The following PABPC4L variants were observed in gnomAD, a reference collection of about 807,000 sequenced individuals.
The protein encoded by PABPC4L is polyadenylate-binding protein 4-like.
For synonymous variants in PABPC4L, 169 were observed against 164.1 expected (o/e 1.03, Z -0.23); for missense variants, 452 against 451.4 (o/e 1.00, Z -0.01).
the PABPC4L span, among the ~76,000 whole-genome samples, chr4:133,974,177 A>G: frequency 6.7e-6 from 1 of 149,426 alleles, no homozygotes; most frequent in East Asian, 1.9e-4. Context: ...ATAATTGGGA[A>G]ATAATTGAAT....
At chr4:133,951,745 A>G in the PABPC4L span, among the ~76,000 whole-genome samples, 1 of 152,080 alleles carries the variant, frequency 6.6e-6, no homozygotes, top group Non-Finnish European at 1.5e-5. Flanking sequence ...GGGGTCCCCT[A>G]TGGGGACCAT....
At chr4:134,069,491 C>T in the PABPC4L span, among the ~76,000 whole-genome samples, 1 of 152,036 alleles carries the variant, frequency 6.6e-6, no homozygotes, top group Non-Finnish European at 1.5e-5. Flanking sequence ...TACATAATCC[C>T]ATATTTTTGG....
chr4:134,027,537 T>C, the PABPC4L span, among the ~76,000 whole-genome samples: 1 of 152,178 alleles, frequency 6.6e-6, no homozygotes, highest in African/African-American at 2.4e-5. Flanking sequence ...CTACAATAAA[T>C]ATGAGACAGC....
At chr4:134,150,369 C>A in the PABPC4L span, among the ~76,000 whole-genome samples, 1 of 152,078 alleles carries the variant, frequency 6.6e-6, no homozygotes, top group Admixed American at 6.6e-5. Flanking sequence ...CAGGCATGAG[C>A]CACCGTGCCC....
the PABPC4L span, among the ~76,000 whole-genome samples, chr4:134,039,412 T>C: frequency 6.6e-6 from 1 of 152,122 alleles, no homozygotes; most frequent in South Asian, 2.1e-4. Flanking sequence ...TGTCTAATAT[T>C]GACAGTGGGG....
the PABPC4L span, among the ~76,000 whole-genome samples, chr4:134,080,192 C>T: frequency 6.6e-6 from 1 of 152,210 alleles, no homozygotes; most frequent in African/African-American, 2.4e-5. Flanking sequence ...TGAAATGTCA[C>T]ATGAGTGAAT....
downstream of PABPC4L, among the ~76,000 whole-genome samples, chr4:134,193,884 G>A (rs185194044): frequency 4.3e-4 from 66 of 151,918 alleles, no homozygotes; most frequent in Admixed American, 4.0e-3. Flanking sequence ...AAACTGTGGC[G>A]TAGATCTTGA....
chr4:133,993,034 C>A, the PABPC4L span, among the ~76,000 whole-genome samples: 1 of 152,094 alleles, frequency 6.6e-6, no homozygotes, highest in African/African-American at 2.4e-5. Context: ...AGCATATCCT[C>A]TTTCCCATGT....
the PABPC4L span, among the ~76,000 whole-genome samples, chr4:134,019,475 ATACT>A: frequency 1.3e-5 from 2 of 152,182 alleles, no homozygotes. Context: ...CTGCAATGAA[ATACT>A]TAATTTGGAG....
chr4:134,153,281 T>C, the PABPC4L span, among the ~76,000 whole-genome samples: 1 of 152,152 alleles, frequency 6.6e-6, no homozygotes, highest in Non-Finnish European at 1.5e-5. Flanking sequence ...TCTGCCTTCA[T>C]AGTGTTTTAG....
the PABPC4L span, among the ~76,000 whole-genome samples, chr4:134,137,987 C>T: frequency 1.3e-5 from 2 of 151,582 alleles, no homozygotes; most frequent in African/African-American, 4.8e-5. Flanking sequence ...ATTACTGTAC[C>T]CATTCCACTA....
the PABPC4L span, among the ~76,000 whole-genome samples, chr4:134,023,441 A>G: frequency 1.3e-5 from 2 of 152,152 alleles, no homozygotes; most frequent in Non-Finnish European, 2.9e-5. Context: ...CTTTTACAGC[A>G]GTTCCTGATC....
chr4:133,983,484 G>T, the PABPC4L span, among the ~76,000 whole-genome samples: 1 of 151,700 alleles, frequency 6.6e-6, no homozygotes, highest in African/African-American at 2.4e-5. Context: ...CCCAGCGAAG[G>T]TTTGAAAAAA....
chr4:134,180,466 T>C, the PABPC4L span, among the ~76,000 whole-genome samples: 1 of 151,144 alleles, frequency 6.6e-6, no homozygotes, highest in Non-Finnish European at 1.5e-5. Flanking sequence ...CAACCTAATA[T>C]CACAATTAGA....
the PABPC4L span, among the ~76,000 whole-genome samples, chr4:133,976,449 T>C: frequency 6.6e-6 from 1 of 151,978 alleles, no homozygotes; most frequent in East Asian, 1.9e-4. Flanking sequence ...AGAATGACCA[T>C]ATTTATATTC....
the PABPC4L span, among the ~76,000 whole-genome samples, chr4:134,050,706 CAAAAAAAA>C: frequency 6.0e-5 from 5 of 83,016 alleles, no homozygotes; most frequent in Admixed American, 2.9e-4. Context: ...CACCGTCTCC[CAAAAAAAA>C]AAAAAAAAAA....
At chr4:133,978,350 G>A in the PABPC4L span, among the ~76,000 whole-genome samples, 845 of 152,290 alleles carry the variant, frequency 5.5e-3, 8 homozygotes, top group African/African-American at 0.019. Flanking sequence ...GCTTATGCCT[G>A]TCATCCCACC....
At chr4:134,032,977 C>T in the PABPC4L span, among the ~76,000 whole-genome samples, 2 of 149,100 alleles carry the variant, frequency 1.3e-5, no homozygotes, top group South Asian at 2.1e-4. Flanking sequence ...TAGAAGTATA[C>T]CTTGTGTTAT....
the PABPC4L span, among the ~76,000 whole-genome samples, chr4:133,989,733 A>C: frequency 6.6e-6 from 1 of 152,110 alleles, no homozygotes; most frequent in Non-Finnish European, 1.5e-5. Context: ...CTACTTTTAA[A>C]GCAGTACCCC....
Sources: allele counts gnomAD v4.1 joint callset (sites outside exome capture counted in the v4.1 genomes callset), GRCh38; gene constraint gnomAD v4.1.1; transcripts MANE v1.5; gene names NCBI Gene and HGNC (gene_info 2026-07-23, HGNC 2026-07-21).